The following GLRA2 variants were observed in gnomAD, a reference collection of about 807,000 sequenced individuals.
The protein encoded by GLRA2 is glycine receptor alpha 2.
In GLRA2, 11 loss-of-function variants were observed where a neutral mutation model predicts 31.6. That is an observed-to-expected ratio of 0.35 (90% CI 0.22 to 0.58). The LOEUF (loss-of-function observed/expected upper bound fraction) is 0.58, where lower values mean the gene tolerates loss of function less well. Ranked by LOEUF, GLRA2 falls within the 20% of genes least tolerant of loss-of-function variation. The pLI is 0.84. For missense variants in GLRA2, 212 were observed against 351.8 expected (o/e 0.60, Z 3.18); for synonymous variants, 132 against 134.0 (o/e 0.99, Z 0.10).
chrX:14,556,549 A>G (rs758819398), intron 2 of GLRA2, among the ~76,000 whole-genome samples: 2 of 112,035 alleles, frequency 1.8e-5, no homozygotes, highest in East Asian at 5.6e-4. Context: ...TATGTAAATT[A>G]TTCTTACAAA....
intron 7 of GLRA2, among the ~76,000 whole-genome samples, chrX:14,682,907 T>C (rs1469569617): frequency 8.1e-5 from 9 of 111,562 alleles, no homozygotes; most frequent in Non-Finnish European, 1.3e-4. Flanking sequence ...TGCATAGTAT[T>C]CCATGGTGTA....
chrX:14,658,850 T>C (rs2090965230), intron 7 of GLRA2, among the ~76,000 whole-genome samples: 1 of 112,341 alleles, frequency 8.9e-6, no homozygotes, highest in Non-Finnish European at 1.9e-5. Flanking sequence ...TTCTTATCTA[T>C]CATCACCACT....
At chrX:14,687,911 T>G (rs1175329130) in intron 7 of GLRA2, among the ~76,000 whole-genome samples, 1 of 112,096 alleles carries the variant, frequency 8.9e-6, no homozygotes, top group Non-Finnish European at 1.9e-5. Context: ...TCTGCTCTGT[T>G]TTTTCACCAT....
chrX:14,480,751 G>C, the GLRA2 span, among the ~76,000 whole-genome samples: 3 of 111,471 alleles, frequency 2.7e-5, no homozygotes, highest in Admixed American at 1.9e-4. Flanking sequence ...ATGTTGTCTT[G>C]GTTACTATAG....
chrX:14,541,265 T>C (rs2089399982), intron 2 of GLRA2, among the ~76,000 whole-genome samples: 1 of 110,807 alleles, frequency 9.0e-6, no homozygotes, highest in Admixed American at 9.6e-5. Flanking sequence ...GAAGAAAAGA[T>C]TGGGTAAGGG....
chrX:14,719,412 CA>C (rs1402282059), intron 8 of GLRA2, among the ~76,000 whole-genome samples: 1 of 111,824 alleles, frequency 8.9e-6, no homozygotes, highest in Non-Finnish European at 1.9e-5. Flanking sequence ...AGACATTTCT[CA>C]AAAGAAGACA....
chrX:14,507,813 C>T, the GLRA2 span, among the ~76,000 whole-genome samples: 1 of 102,310 alleles, frequency 9.8e-6, no homozygotes, highest in African/African-American at 3.6e-5. Flanking sequence ...CCTGCCTCAT[C>T]CTCTCAAGTA....
intron 7 of GLRA2, among the ~76,000 whole-genome samples, chrX:14,667,603 T>C (rs1420661458): frequency 8.9e-6 from 1 of 111,828 alleles, no homozygotes; most frequent in East Asian, 2.8e-4. Flanking sequence ...CTTGAATGGA[T>C]AGATTAAAAA....
intron 7 of GLRA2, among the ~76,000 whole-genome samples, chrX:14,676,069 G>C (rs1413494633): frequency 1.8e-5 from 2 of 112,325 alleles, no homozygotes; most frequent in African/African-American, 6.5e-5. Context: ...TCAGGCTACT[G>C]TGGCCAACAG....
the GLRA2 span, among the ~76,000 whole-genome samples, chrX:14,486,810 A>C: frequency 8.9e-6 from 1 of 112,294 alleles, no homozygotes; most frequent in African/African-American, 3.2e-5. Context: ...TGTGTACTTC[A>C]TCAAAGAATG....
At chrX:14,688,742 C>T (rs950277094) in intron 7 of GLRA2, among the ~76,000 whole-genome samples, 80 of 110,576 alleles carry the variant, frequency 7.2e-4, no homozygotes, top group Admixed American at 2.1e-3. Flanking sequence ...TGACCCCTTG[C>T]GCTTCCCGGG....
chrX:14,526,025 A>G (rs1187993134), upstream of GLRA2, among the ~76,000 whole-genome samples: 1 of 112,364 alleles, frequency 8.9e-6, no homozygotes, highest in South Asian at 3.7e-4. Context: ...ACATGTATAC[A>G]TACAATGATG....
At chrX:14,722,967 G>T (rs2147259949) in intron 8 of GLRA2, among the ~76,000 whole-genome samples, 1 of 112,688 alleles carries the variant, frequency 8.9e-6, no homozygotes, top group African/African-American at 3.2e-5. Flanking sequence ...GTATTTAAAA[G>T]AATAATTTTA....
chrX:14,716,706 G>A (rs1445969970), intron 8 of GLRA2, among the ~76,000 whole-genome samples: 1 of 111,660 alleles, frequency 9.0e-6, no homozygotes, highest in African/African-American at 3.3e-5. Context: ...CCTCTGGTGA[G>A]CAAAGATAAT....
At chrX:14,578,890 A>G (rs890905887) in intron 3 of GLRA2, among the ~76,000 whole-genome samples, 2 of 111,893 alleles carry the variant, frequency 1.8e-5, no homozygotes, top group Non-Finnish European at 3.8e-5. Flanking sequence ...ATAGTGTGTG[A>G]TTTGGACATA....
chrX:14,545,294 C>T (rs1387332369), intron 2 of GLRA2, among the ~76,000 whole-genome samples: 1 of 111,118 alleles, frequency 9.0e-6, no homozygotes, highest in Non-Finnish European at 1.9e-5. Flanking sequence ...CTGCATCATC[C>T]CACGGTAGAA....
At chrX:14,522,894 A>G in the GLRA2 span, among the ~76,000 whole-genome samples, 1 of 111,950 alleles carries the variant, frequency 8.9e-6, no homozygotes, top group East Asian at 2.8e-4. Flanking sequence ...ATACTTTTTA[A>G]GGACCCTCGG....
At chrX:14,723,180 T>C (rs1301379478) in intron 8 of GLRA2, among the ~76,000 whole-genome samples, 3 of 112,121 alleles carry the variant, frequency 2.7e-5, no homozygotes, top group Non-Finnish European at 5.6e-5. Flanking sequence ...ATGTCTCAAG[T>C]GCACCTCAAT....
chrX:14,685,314 G>A (rs1403080204), intron 7 of GLRA2, among the ~76,000 whole-genome samples: 2 of 111,428 alleles, frequency 1.8e-5, no homozygotes, highest in African/African-American at 6.5e-5. Context: ...TTGGTATCAG[G>A]ACGATGCTGG....
Sources: gnomAD v4.1 joint callset for allele counts (sites outside exome capture counted in the v4.1 genomes callset) on GRCh38, gnomAD v4.1.1 for gene constraint, MANE v1.5 for transcripts, NCBI Gene and HGNC (gene_info 2026-07-23, HGNC 2026-07-21) for gene names.